The following GLRB variants were observed in gnomAD, a reference collection of about 807,000 sequenced individuals.
GLRB encodes glycine receptor beta.
A neutral mutation model predicts 54.2 loss-of-function variants in GLRB; 33 were observed. That is an observed-to-expected ratio of 0.61 (90% CI 0.46 to 0.81). The LOEUF is 0.81. GLRB is among the 40% of genes least tolerant of loss of function. The probability of loss-of-function intolerance (pLI) is 0.00; values close to 1 mark genes in which losing one functional copy is unlikely to be tolerated. For synonymous variants in GLRB, 209 were observed against 208.2 expected, an observed-to-expected ratio of 1.00 and a Z score of -0.03; for missense variants, 572 against 584.6, an observed-to-expected ratio of 0.98 and a Z score of 0.22.
chr4:157,144,099 C>G, intron 8 of GLRB, 140 bp downstream of exon 8: 1 of 820,356 alleles, frequency 1.2e-6, no homozygotes, highest in Non-Finnish European at 2.0e-6. Context: ...TTCTTCAAAA[C>G]TTGATATTGA....
chr4:157,099,255 A>G (rs1734927415), intron 2 of GLRB, among the ~76,000 whole-genome samples: 1 of 152,100 alleles, frequency 6.6e-6, no homozygotes, highest in Non-Finnish European at 1.5e-5. Context: ...TCAGTATTCT[A>G]GGAGTTCAGG....
chr4:157,129,650 G>T (rs904328344), intron 4 of GLRB, among the ~76,000 whole-genome samples: 4 of 151,730 alleles, frequency 2.6e-5, no homozygotes, highest in Admixed American at 2.0e-4. Context: ...TACACTGAAT[G>T]AACCAGTGAA....
intron 2 of GLRB, among the ~76,000 whole-genome samples, chr4:157,095,299 C>T (rs1266805643): frequency 7.0e-6 from 1 of 143,618 alleles, no homozygotes; most frequent in Non-Finnish European, 1.5e-5. Flanking sequence ...ACGTTTTGTG[C>T]CTGAGCAAAA....
chr4:157,137,247 G>T (rs1231555309), intron 6 of GLRB, among the ~76,000 whole-genome samples: 1 of 151,900 alleles, frequency 6.6e-6, no homozygotes, highest in Non-Finnish European at 1.5e-5. Context: ...CAGAAAATTT[G>T]GAAAACATTG....
chr4:157,103,035 C>T lies in GLRB; in HGVS notation c.123-17521C>T, dbSNP rs141612821. 2.0e-4 allele frequency among the ~76,000 whole-genome samples: 31 copies of T among 151,922 alleles called. 1 individual carries two copies. The highest frequency in any genetic ancestry group is 7.2e-4 in the African/African-American group (30 of 41,434). ...GCATGGGGATGCACGCCTGTAGTCCCGGCTACTCAGGAGGCTGATACAGGA... is the reference window on the plus strand; with the variant it reads ...GCATGGGGATGCACGCCTGTAGTCCTGGCTACTCAGGAGGCTGATACAGGA... On this transcript the variant is annotated intron_variant, in intron 2 of 9. Transcript: ENST00000264428.
intron 2 of GLRB, chr4:157,091,530 A>T (rs2126452543): frequency 6.6e-6 from 1 of 152,278 alleles, no homozygotes; most frequent in East Asian, 1.9e-4. Context: ...AATAGTTTTG[A>T]CTCTGTGGAC....
At position 157,152,923 on chromosome 4, in the gene GLRB, T is replaced by C; in HGVS notation, c.1110T>C (p.Ala370=). Residue 370 remains alanine, a synonymous_variant, in exon 9 of 10, where the codon GCT becomes GCC. Transcript: ENST00000264428. The part of the protein sequence containing the change: ...VEAEKARIAK[A]EQADGKGGNV... The stretch of plus-strand genomic sequence containing the variant: ...CTGAAAAAGCCAGAATTGCTAAGGC[T>C]GAGCAAGCAGATGGAAAAGGTGGAA... The C allele has an allele frequency of 1.5e-5, 25 of 1,614,032 alleles. No individual in the cohort carries two copies. The highest frequency in any genetic ancestry group is 1.9e-5 in the Non-Finnish European group (23 of 1,179,940).
At chr4:157,139,650 T>A (rs6814940) in intron 7 of GLRB, among the ~76,000 whole-genome samples, 13,084 of 152,030 alleles carry the variant, frequency 0.086, 1,536 homozygotes, top group African/African-American at 0.27. Context: ...CTGAATATAG[T>A]GTTATTTCAC....
chr4:157,136,535 T>G lies in GLRB; in HGVS notation c.364T>G (p.Phe122Val), dbSNP rs753810143. 1.9e-6 allele frequency: 3 copies of G among 1,613,146 alleles called. No individual in the cohort carries two copies. The highest frequency in any genetic ancestry group is 1.7e-6 in the Non-Finnish European group (2 of 1,179,178). ...NDPRLKLPSDFRGSDALTVDP... is the reference protein window; with the variant it reads ...NDPRLKLPSDVRGSDALTVDP... ...CCCCAGGCTGAAGCTCCCCAGTGATTTTAGGGGTTCAGATGCACTGACAGT... is the reference window on the plus strand; with the variant it reads ...CCCCAGGCTGAAGCTCCCCAGTGATGTTAGGGGTTCAGATGCACTGACAGT... The change falls in exon 5 of 10, where the codon TTT (phenylalanine) becomes GTT (valine). Residue 122 changes from phenylalanine (F) to valine (V), a missense_variant. Coordinates refer to ENST00000264428, the MANE Select transcript of GLRB (RefSeq NM_000824.5).
At chr4:157,119,203 T>G (rs1048637194) in intron 2 of GLRB, among the ~76,000 whole-genome samples, 1 of 151,636 alleles carries the variant, frequency 6.6e-6, no homozygotes, top group Non-Finnish European at 1.5e-5. Flanking sequence ...TCTTATAGTA[T>G]AGAGTATTTT....
At chr4:157,111,581 A>G (rs551603801) in intron 2 of GLRB, among the ~76,000 whole-genome samples, 13 of 152,102 alleles carry the variant, frequency 8.5e-5, no homozygotes, top group African/African-American at 2.9e-4. Context: ...GGCTGATTTC[A>G]TACTCAACTG....
At chr4:157,155,745 T>C (rs1284838505) in intron 9 of GLRB, among the ~76,000 whole-genome samples, 1 of 152,182 alleles carries the variant, frequency 6.6e-6, no homozygotes, top group Non-Finnish European at 1.5e-5. Flanking sequence ...TGATCAGAAG[T>C]TTAATTATGA....
At chr4:157,166,808 C>T (rs1401744604) in intron 9 of GLRB, among the ~76,000 whole-genome samples, 3 of 151,900 alleles carry the variant, frequency 2.0e-5, no homozygotes, top group African/African-American at 7.3e-5. Context: ...GACATGTTTA[C>T]TATAAGTAAT....
At chr4:157,092,437 T>C (rs1263910549) in intron 2 of GLRB, among the ~76,000 whole-genome samples, 1 of 152,228 alleles carries the variant, frequency 6.6e-6, no homozygotes, top group Non-Finnish European at 1.5e-5. Context: ...ATGTTTGTGA[T>C]AGTAGAACCT....
chr4:157,077,953 A>G lies in GLRB; in HGVS notation c.-29-43A>G, dbSNP rs1451251702. ...TTAAAGGGACAGTCATATAGTTATC[A>G]TTTTCTTCATAAATGTAAACATTTT... On this transcript the variant is annotated intron_variant, in intron 1 of 9. Transcript: ENST00000264428. The G allele has an allele frequency of 3.0e-6, 4 of 1,331,830 alleles. No individual in the cohort carries two copies. The South Asian group carries it at 3.7e-5, about 12-fold the overall frequency. The allele number at this position is 1,331,830 out of a possible 1,614,324, so 82.5% of individuals were successfully genotyped here.
At chr4:157,124,211 C>T (rs75637742) in intron 4 of GLRB, among the ~76,000 whole-genome samples, 4,518 of 151,844 alleles carry the variant, frequency 0.03, 106 homozygotes, top group African/African-American at 0.065. Context: ...AACTTATCCT[C>T]GGTACCAGAT....
chr4:157,142,976 G>A (rs745720104), intron 7 of GLRB, among the ~76,000 whole-genome samples: 6 of 152,106 alleles, frequency 3.9e-5, no homozygotes, highest in Non-Finnish European at 5.9e-5. Context: ...GCAGTACTGT[G>A]AGCATATTCG....
At chr4:157,145,115 T>C (rs530692284) in intron 8 of GLRB, among the ~76,000 whole-genome samples, 32 of 152,354 alleles carry the variant, frequency 2.1e-4, no homozygotes, top group Non-Finnish European at 4.3e-4. Flanking sequence ...CTTATGTTCA[T>C]GCAGTGATAT....
At chr4:157,164,635 T>C (rs1232814437) in intron 9 of GLRB, among the ~76,000 whole-genome samples, 6 of 152,274 alleles carry the variant, frequency 3.9e-5, no homozygotes, top group African/African-American at 1.2e-4. Flanking sequence ...TTAAATTAAA[T>C]TCTGTTACTA....
Sources: allele counts gnomAD v4.1 joint callset (sites outside exome capture counted in the v4.1 genomes callset), GRCh38; gene constraint gnomAD v4.1.1; transcripts MANE v1.5; gene names NCBI Gene and HGNC (gene_info 2026-07-23, HGNC 2026-07-21).